The following FAT2 variants were observed in gnomAD, a reference collection of about 807,000 sequenced individuals.
The protein encoded by FAT2 is FAT atypical cadherin 2.
FAT2 carries 150 observed loss-of-function variants against 295.3 expected under a neutral mutation model. The ratio of observed to expected loss-of-function variants is 0.51; its 90% CI spans 0.44 to 0.58. The LOEUF is 0.58. Among genes scored for constraint, FAT2 ranks in the 20% least tolerant of loss-of-function variants. The pLI is 0.00. For synonymous variants in FAT2, 2,026 were observed against 2,150.3 expected (o/e 0.94, Z 1.60); for missense variants, 4,868 against 5,442.7 (o/e 0.89, Z 3.32).
At chr5:151,527,513 G>A (rs911294191) in intron 16 of FAT2, 136 bp from the exon 17 acceptor site, 4 of 739,500 alleles carry the variant, frequency 5.4e-6, no homozygotes, top group African/African-American at 3.6e-5. Flanking sequence ...CCCACCCGTA[G>A]CATTTTAGGG....
chr5:151,521,667 C>T lies in FAT2; in HGVS notation c.10926G>A (p.Glu3642=), dbSNP rs1425545061. ...WMGFYQLTPE[E]LVSDHWRNLQ... ...GGTTCCGCCAGTGGTCACTCACCAG[C>T]TCCTCGGGGGTGAGCTGGTAGAAGC... The change falls in exon 19 of 24, where the codon GAG becomes GAA. Residue 3642 remains glutamate, a synonymous_variant. Coordinates refer to ENST00000261800, the MANE Select transcript of FAT2 (RefSeq NM_001447.3). 5.6e-6 allele frequency: 9 copies of T among 1,613,952 alleles called. No homozygotes were observed. Among genetic ancestry groups the T allele is most frequent in the African/African-American group, 2.7e-5 (2 of 74,950 alleles).
upstream of FAT2, among the ~76,000 whole-genome samples, chr5:151,591,960 A>C (rs1439340087): frequency 1.3e-5 from 2 of 152,224 alleles, no homozygotes; most frequent in African/African-American, 4.8e-5. Flanking sequence ...TGACTTCCCC[A>C]CACCTGACTT....
At chr5:151,593,120 G>A (rs1397913165), upstream of FAT2, among the ~76,000 whole-genome samples, 1 of 152,226 alleles carries the variant, frequency 6.6e-6, no homozygotes, top group African/African-American at 2.4e-5. Context: ...AGGGTGAGGG[G>A]ACCTACTGTG....
Position 151,563,500 on chromosome 5 carries a change from G to C in FAT2, c.3399C>G (p.Asn1133Lys), listed in dbSNP as rs138913417. Residue 1133 changes from asparagine (N) to lysine (K), a missense_variant, in exon 3 of 24, where the codon AAC becomes AAG. By Grantham distance (94) the Asn-to-Lys change is moderately conservative. This residue lies in a region of FAT2 where 3,297 missense variants were observed against 3,669.4 expected (regional missense o/e 0.90). Coordinates refer to ENST00000261800, the MANE Select transcript of FAT2 (RefSeq NM_001447.3). The part of the protein sequence containing the change: ...VYIEVTDAND[N>K]PPQMSQAVFY... ...ACACAGCTTGGGACATCTGGGGTGG[G>C]TTGTCATTGGCATCCGTAACCTCGA... 6.2e-7 allele frequency: 1 copy of C among 1,614,154 alleles called. No individual in the cohort carries two copies. Among genetic ancestry groups the C allele is most frequent in the Non-Finnish European group, 8.5e-7 (1 of 1,180,034 alleles).
At chr5:151,550,419 T>C (rs561677749) in intron 8 of FAT2, among the ~76,000 whole-genome samples, 171 bp downstream of exon 8, 13 of 152,306 alleles carry the variant, frequency 8.5e-5, no homozygotes, top group Admixed American at 8.5e-4. Context: ...CTACCTTCAC[T>C]TCCAGGCATC....
chr5:151,540,351 C>T (rs982690883), intron 11 of FAT2, among the ~76,000 whole-genome samples: 1 of 151,818 alleles, frequency 6.6e-6, no homozygotes. Flanking sequence ...CTCCTTTCTC[C>T]TGCCCCTCAC....
chr5:151,570,888 G>A (rs1430444470), intron 1 of FAT2, among the ~76,000 whole-genome samples: 1 of 152,196 alleles, frequency 6.6e-6, no homozygotes, highest in African/African-American at 2.4e-5. Flanking sequence ...CATGCTGACA[G>A]CATTCCGAGA....
At chr5:151,530,781 G>A (rs1754505125) in intron 14 of FAT2, among the ~76,000 whole-genome samples, 1 of 152,224 alleles carries the variant, frequency 6.6e-6, no homozygotes. Context: ...TCTGCGGTTG[G>A]ATGGATGTAG....
chr5:151,508,696 T>G (rs1429624155), intron 22 of FAT2, among the ~76,000 whole-genome samples: 3 of 143,422 alleles, frequency 2.1e-5, no homozygotes, highest in Non-Finnish European at 3.0e-5. Context: ...GGCGACAGAG[T>G]GAAACTCCTT....
rs781384019 is a variant in FAT2 at position 151,531,638 on chromosome 5, G to A, written c.9760C>T (p.Arg3254Cys). ...CCTTGCTCGTTCCCGCTGACCACGCGGTAGCCGGTCTTCTCTGCGCCCGGG... is the reference window on the plus strand; with the variant it reads ...CCTTGCTCGTTCCCGCTGACCACGCAGTAGCCGGTCTTCTCTGCGCCCGGG... The part of the protein sequence containing the change: ...TRPGAEKTGY[R>C]VVSGNEQGRF... The change falls in exon 14 of 24, where the codon CGC becomes TGC. Residue 3254 changes from arginine to cysteine, a missense_variant. Physicochemically the swap from Arg to Cys is radical, Grantham distance 180. Around this residue, in one of 5 missense-constraint regions of FAT2, gnomAD observed 1,046 missense variants for 1,210.1 expected, o/e 0.86. Transcript: ENST00000261800. The surrounding 1 kb of genome is among the most constrained non-coding windows in gnomAD (Gnocchi z 5.7). The A allele has an allele frequency of 3.7e-6, 6 of 1,613,464 alleles. No homozygotes were observed. Among genetic ancestry groups the A allele is most frequent in the African/African-American group, 2.7e-5 (2 of 74,908 alleles).
upstream of FAT2, among the ~76,000 whole-genome samples, chr5:151,592,648 T>C (rs950504821): frequency 6.6e-6 from 1 of 152,216 alleles, no homozygotes; most frequent in Non-Finnish European, 1.5e-5. Flanking sequence ...TATTATTAGC[T>C]ATGTATCCCA....
In FAT2 at chr5:151,530,465, A is replaced by G. The variant is rs535608805; in HGVS notation, c.9812-1073T>C. On this transcript the variant is annotated intron_variant, in intron 14 of 23. Coordinates refer to ENST00000261800, the MANE Select transcript of FAT2 (RefSeq NM_001447.3). ...ACCAATCCAAACGATGGAAAATTCT[A>G]TTAGACACATGACTCAACTGTTTCA... 6.6e-5 allele frequency among the ~76,000 whole-genome samples: 10 copies of G among 152,338 alleles called. No homozygotes were observed. In the East Asian group the frequency reaches 1.3e-3, roughly 21 times the overall value.
chr5:151,572,807 C>A (rs1758584296), intron 1 of FAT2, among the ~76,000 whole-genome samples: 1 of 152,248 alleles, frequency 6.6e-6, no homozygotes, highest in Non-Finnish European at 1.5e-5. Flanking sequence ...TGTGCCCCAA[C>A]ACAGCAGGAA....
At position 151,568,905 on chromosome 5, in the gene FAT2, G is replaced by A; in HGVS notation, c.27C>T (p.Ala9=). MTIALLGF[A]IFLLHCATCE... ...AGGTCGCACAATGGAGCAAGAATAT[G>A]GCAAAACCCAGCAGGGCAATAGTCA... The change falls in exon 2 of 24, where the codon GCC becomes GCT. Residue 9 remains alanine, a synonymous_variant. Transcript: ENST00000261800. 6.2e-7 allele frequency: 1 copy of A among 1,611,680 alleles called. No homozygotes were observed. The highest frequency in any genetic ancestry group is 2.2e-5 in the East Asian group (1 of 44,864).
Position 151,549,507 on chromosome 5 carries a change from T to C in FAT2, c.4579-2A>G, listed in dbSNP as rs2127619769. ...GATAGGTATTTCCTGGTCTCGGACCTATGGGCCCAAAGGGGGTAATTGGGT... is the reference window on the plus strand; with the variant it reads ...GATAGGTATTTCCTGGTCTCGGACCCATGGGCCCAAAGGGGGTAATTGGGT... On this transcript the variant is annotated splice_acceptor_variant, in intron 8 of 23. Transcript: ENST00000261800. LOFTEE classifies it high-confidence loss of function. 6.2e-7 allele frequency: 1 copy of C among 1,614,020 alleles called. No individual in the cohort carries two copies. Among genetic ancestry groups the C allele is most frequent in the African/African-American group, 1.3e-5 (1 of 75,060 alleles).
chr5:151,522,496 G>A (rs533555863), intron 18 of FAT2, among the ~76,000 whole-genome samples: 5 of 152,316 alleles, frequency 3.3e-5, no homozygotes, highest in Non-Finnish European at 7.3e-5. Flanking sequence ...CTCAGCCTAC[G>A]AAAATTCCCC....
At position 151,542,760 on chromosome 5, in the gene FAT2, G is replaced by A. The variant is rs375295925; in HGVS notation, c.8367C>T (p.Asp2789=). ...SLVSVNIQVG[D]VNDNRPVFEA... is the part of the protein sequence containing the mutation. ...CAAATACAGGCCTATTGTCATTGAC[G>A]TCTCCCACTTGGATGTTGACAGAGA... is the stretch of plus-strand genomic sequence containing the variant. Residue 2789 remains aspartate, a synonymous_variant, in exon 10 of 24, where the codon GAC becomes GAT. Coordinates refer to ENST00000261800, the MANE Select transcript of FAT2 (RefSeq NM_001447.3). 36 of 1,614,192 alleles carry A rather than the reference G, an allele frequency of 2.2e-5. 1 individual carries two copies. The highest frequency in any genetic ancestry group is 3.3e-5 in the Admixed American group (2 of 60,018).
At chr5:151,547,251 C>G (rs769973899) in intron 9 of FAT2, among the ~76,000 whole-genome samples, 1 of 152,184 alleles carries the variant, frequency 6.6e-6, no homozygotes, top group Non-Finnish European at 1.5e-5. Context: ...AGCCTGTGAG[C>G]TATCCTCTTT....
chr5:151,534,512 G>A lies in FAT2; in HGVS notation c.9324C>T (p.Asp3108=), dbSNP rs978006775. Reference sequence around the variant, plus strand: ...GGCTGGGGAAGAACCGCGGGGCATTGTCATTCACATCCTCCACATGGAGGG... The same window carrying A: ...GGCTGGGGAAGAACCGCGGGGCATTATCATTCACATCCTCCACATGGAGGG... ...DITLHVEDVN[D]NAPRFFPSHC... is the part of the protein sequence containing the mutation. Residue 3108 remains aspartate, a synonymous_variant, in exon 13 of 24, where the codon GAC becomes GAT. Transcript: ENST00000261800. 12 of 1,614,018 alleles carry A rather than the reference G, an allele frequency of 7.4e-6. No individual in the cohort carries two copies. The African/African-American group carries it at 9.3e-5, about 13-fold the overall frequency.
Sources: allele counts gnomAD v4.1 joint callset (sites outside exome capture counted in the v4.1 genomes callset), GRCh38; gene constraint gnomAD v4.1.1; regional missense constraint gnomAD v4.1.1; non-coding constraint Gnocchi (gnomAD v3.1); transcripts MANE v1.5; gene names NCBI Gene and HGNC (gene_info 2026-07-23, HGNC 2026-07-21).